The following PGR variants were observed in gnomAD, a reference collection of about 807,000 sequenced individuals.
PGR encodes the protein progesterone receptor.
Under a neutral mutation model 76.1 loss-of-function variants are expected in PGR, and 25 were observed. The ratio of observed to expected loss-of-function variants is 0.33; its 90% CI spans 0.24 to 0.46. PGR has a LOEUF of 0.46. PGR is among the 20% of genes least tolerant of loss of function. The pLI is 1.00. For synonymous variants in PGR, 579 were observed against 535.0 expected, an observed-to-expected ratio of 1.08 and a Z score of -1.14; for missense variants, 1,172 against 1,225.3, an observed-to-expected ratio of 0.96 and a Z score of 0.65.
intron 5 of PGR, chr11:101,050,971 TA>T: frequency 4.1e-6 from 1 of 246,710 alleles, no homozygotes; most frequent in Non-Finnish European, 8.1e-6. Flanking sequence ...CTTATTCAGT[TA>T]AAGGTTGTAG....
intron 1 of PGR, chr11:101,127,127 G>C (rs371602309): frequency 2.9e-5 from 6 of 204,458 alleles, no homozygotes; most frequent in East Asian, 2.1e-4. Context: ...GTTTTAAATC[G>C]GGGTTGGTTC....
At chr11:101,123,387 A>G (rs1198206049) in intron 2 of PGR, among the ~76,000 whole-genome samples, 2 of 152,196 alleles carry the variant, frequency 1.3e-5, no homozygotes, top group African/African-American at 4.8e-5. Flanking sequence ...ATCACGCAGC[A>G]TTGCTTTATT....
chr11:101,104,948 T>C (rs11571165), intron 2 of PGR, among the ~76,000 whole-genome samples: 62 of 152,306 alleles, frequency 4.1e-4, no homozygotes, highest in African/African-American at 1.3e-3. Flanking sequence ...AAGTTTGTTA[T>C]GTTTCAGGAT....
At position 101,068,285 on chromosome 11, in the gene PGR, A is replaced by C. The variant is rs538324746; in HGVS notation, c.1907-5533T>G. ...TCCCATTCACAATTGCTACAAAGAG[A>C]ATTAAATGCCCAGGAATACAACTTA... On this transcript the variant is annotated intron_variant, in intron 3 of 7. Coordinates refer to ENST00000325455, the MANE Select transcript of PGR (RefSeq NM_000926.4). 1.4e-4 allele frequency among the ~76,000 whole-genome samples: 21 copies of C among 152,280 alleles called. 1 individual carries two copies. The East Asian group carries it at 3.7e-3, about 27-fold the overall frequency.
intron 7 of PGR, chr11:101,041,605 T>C (rs751746317): frequency 9.5e-6 from 2 of 211,258 alleles, no homozygotes; most frequent in Non-Finnish European, 1.9e-5. Flanking sequence ...ATGAGTCTTA[T>C]TTTTCACATA....
Position 101,129,042 on chromosome 11 carries a change from C to A in PGR, c.29G>T (p.Arg10Leu), listed in dbSNP as rs1025431009. Reference sequence around the variant, plus strand: ...CGGGCCGCCCGCCACGTGGGGAGCCCGGGGACCCTTTGCCTTCAGCTCAGT... The same window carrying A: ...CGGGCCGCCCGCCACGTGGGGAGCCAGGGGACCCTTTGCCTTCAGCTCAGT... MTELKAKGP[R>L]APHVAGGPPS... Residue 10 changes from arginine to leucine, a missense_variant, in exon 1 of 8, where the codon CGG becomes CTG. By Grantham distance (102) the Arg-to-Leu change is moderately radical. Coordinates refer to ENST00000325455, the MANE Select transcript of PGR (RefSeq NM_000926.4). 4 of 1,562,978 alleles carry A rather than the reference C, an allele frequency of 2.6e-6. No individual in the cohort carries two copies. Among genetic ancestry groups the A allele is most frequent in the Middle Eastern group, 3.4e-4 (2 of 5,948 alleles).
intron 2 of PGR, among the ~76,000 whole-genome samples, chr11:101,099,132 A>G (rs1295998138): frequency 1.3e-5 from 2 of 152,230 alleles, no homozygotes; most frequent in Non-Finnish European, 2.9e-5. Context: ...TTATAGCAGC[A>G]GTGTTCATAA....
At chr11:101,057,228 G>A (rs1362286961) in intron 4 of PGR, among the ~76,000 whole-genome samples, 2 of 152,162 alleles carry the variant, frequency 1.3e-5, no homozygotes, top group African/African-American at 4.8e-5. Flanking sequence ...CAGAGCAAGT[G>A]ACAAGTAATG....
chr11:101,101,764 A>T (rs1591415307), intron 2 of PGR, among the ~76,000 whole-genome samples: 1 of 152,344 alleles, frequency 6.6e-6, no homozygotes, highest in Non-Finnish European at 1.5e-5. Context: ...TTGTCATTAA[A>T]TTTTTTGGTT....
chr11:101,073,257 A>G (rs1238308142), intron 3 of PGR, among the ~76,000 whole-genome samples: 2 of 152,220 alleles, frequency 1.3e-5, no homozygotes, highest in Non-Finnish European at 2.9e-5. Flanking sequence ...GCAGAAATAA[A>G]TAAGTTATTT....
rs1358184405 is a variant in PGR, at chr11:101,033,119, G to C, written c.*5997C>G. ...TTTTCTTATAAACATGCACAACTCA[G>C]AAAAGTTAAAATACACAGAATACTA... is the stretch of plus-strand genomic sequence containing the variant. On this transcript the variant is annotated 3_prime_UTR_variant, in exon 8 of 8. Coordinates refer to ENST00000325455, the MANE Select transcript of PGR (RefSeq NM_000926.4). 2 of 206,220 alleles carry C rather than the reference G, an allele frequency of 9.7e-6. No individual in the cohort carries two copies. Among genetic ancestry groups the C allele is most frequent in the East Asian group, 1.5e-4 (2 of 13,540 alleles). 12.8% of individuals were successfully genotyped at this position (206,220 alleles called of 1,614,324 possible).
intron 4 of PGR, among the ~76,000 whole-genome samples, chr11:101,053,432 C>T (rs916716225): frequency 6.6e-6 from 1 of 152,094 alleles, no homozygotes; most frequent in African/African-American, 2.4e-5. Context: ...ATTAGAGATG[C>T]CATAGTGAGC....
chr11:101,044,821 C>G (rs1473220066), intron 6 of PGR, among the ~76,000 whole-genome samples: 1 of 151,422 alleles, frequency 6.6e-6, no homozygotes, highest in Non-Finnish European at 1.5e-5. Flanking sequence ...ATTCTCCCGC[C>G]TCAGCCTCCT....
chr11:101,062,409 AT>A (rs1565338789), intron 4 of PGR, 37 bp downstream of exon 4: 31 of 1,463,230 alleles, frequency 2.1e-5, no homozygotes, highest in Non-Finnish European at 2.9e-5. Flanking sequence ...AACATAGTAT[AT>A]TTTTTATTAC....
At chr11:101,073,636 T>C (rs1370440314) in intron 3 of PGR, among the ~76,000 whole-genome samples, 2 of 151,650 alleles carry the variant, frequency 1.3e-5, no homozygotes, top group African/African-American at 2.4e-5. Context: ...CAATAAAAAA[T>C]GATAAAGGGG....
chr11:101,058,074 T>C (rs927297580), intron 4 of PGR, among the ~76,000 whole-genome samples: 3 of 152,108 alleles, frequency 2.0e-5, no homozygotes, highest in Admixed American at 1.3e-4. Flanking sequence ...GAAATGTACA[T>C]AGGGAGAGAA....
intron 2 of PGR, among the ~76,000 whole-genome samples, chr11:101,106,980 C>A (rs930989579): frequency 1.6e-4 from 25 of 152,124 alleles, no homozygotes; most frequent in African/African-American, 6.0e-4. Context: ...CCAAACACCG[C>A]ATTGTCTCAC....
At chr11:101,122,959 G>C (rs502471) in intron 2 of PGR, among the ~76,000 whole-genome samples, 1 of 151,994 alleles carries the variant, frequency 6.6e-6, no homozygotes, top group African/African-American at 2.4e-5. Flanking sequence ...TACCTTCCTA[G>C]ATGTTTCATC....
Position 101,029,890 on chromosome 11 carries a change from C to T in PGR, c.*9226G>A. ...ATATGATGATGATATTAGGTGCCCA[C>T]TAGCACCTAGTTTTTACAGCTTTGC... On this transcript the variant is annotated 3_prime_UTR_variant, in exon 8 of 8. Coordinates refer to ENST00000325455, the MANE Select transcript of PGR (RefSeq NM_000926.4). The T allele has an allele frequency of 4.5e-6, 1 of 224,078 alleles. No homozygotes were observed. Among genetic ancestry groups the T allele is most frequent in the Non-Finnish European group, 8.9e-6 (1 of 112,320 alleles). The allele number at this position is 224,078 out of a possible 1,614,324, so 13.9% of individuals were successfully genotyped here.
Sources: gnomAD v4.1 joint callset for allele counts (sites outside exome capture counted in the v4.1 genomes callset) on GRCh38, gnomAD v4.1.1 for gene constraint, MANE v1.5 for transcripts, NCBI Gene and HGNC (gene_info 2026-07-23, HGNC 2026-07-21) for gene names.